Variants in PRKN observed in about 807,000 individuals in gnomAD.
PRKN encodes E3 ubiquitin-protein ligase parkin.
Under a neutral mutation model 59.5 loss-of-function variants are expected in PRKN, and 56 were observed. The ratio of observed to expected loss-of-function variants is 0.94; its 90% CI spans 0.76 to 1.18. The LOEUF is 1.18. Among genes scored for constraint, PRKN ranks in the 50% most tolerant of loss-of-function variants. The pLI, the probability that PRKN is intolerant of heterozygous loss-of-function variation, is 0.00. For missense variants in PRKN, 657 were observed against 596.4 expected, an observed-to-expected ratio of 1.10 and a Z score of -1.06; for synonymous variants, 250 against 222.1, an observed-to-expected ratio of 1.13 and a Z score of -1.12.
chr6:162,281,175 C>A (rs1294636760), intron 2 of PRKN, among the ~76,000 whole-genome samples: 1 of 151,904 alleles, frequency 6.6e-6, no homozygotes, highest in East Asian at 1.9e-4. Flanking sequence ...GACAGAAAAC[C>A]AAACCCCGCA....
chr6:162,111,037 C>T (rs188741692), intron 4 of PRKN, among the ~76,000 whole-genome samples: 5 of 152,092 alleles, frequency 3.3e-5, no homozygotes, highest in South Asian at 2.1e-4. Flanking sequence ...TCACCTCAAC[C>T]GGGAGAAGAA....
intron 9 of PRKN, among the ~76,000 whole-genome samples, chr6:161,406,623 T>C (rs1787290775): frequency 6.6e-6 from 1 of 152,140 alleles, no homozygotes; most frequent in Non-Finnish European, 1.5e-5. Flanking sequence ...GAAATATGTT[T>C]TGGGTTAATG....
At chr6:162,366,316 T>C (rs1390950754) in intron 2 of PRKN, among the ~76,000 whole-genome samples, 4 of 152,332 alleles carry the variant, frequency 2.6e-5, no homozygotes, top group South Asian at 4.1e-4. Context: ...TCTTCCATTA[T>C]TATACAAGAT....
At chr6:162,609,535 C>T (rs73595972) in intron 1 of PRKN, among the ~76,000 whole-genome samples, 3,976 of 152,242 alleles carry the variant, frequency 0.026, 177 homozygotes, top group African/African-American at 0.09. Context: ...TCAAATATCA[C>T]TAACACTGAT....
At chr6:162,575,256 C>T (rs1780512119) in intron 1 of PRKN, among the ~76,000 whole-genome samples, 1 of 152,158 alleles carries the variant, frequency 6.6e-6, no homozygotes, top group Non-Finnish European at 1.5e-5. Context: ...GAACTACCTA[C>T]TGTGTTCTTC....
chr6:162,388,854 G>A (rs1412502955), intron 2 of PRKN, among the ~76,000 whole-genome samples: 1 of 152,018 alleles, frequency 6.6e-6, no homozygotes, highest in Non-Finnish European at 1.5e-5. Context: ...TATAAAGTCG[G>A]GTATGGGGGT....
chr6:162,104,388 A>G (rs1446857956), intron 4 of PRKN, among the ~76,000 whole-genome samples: 1 of 152,180 alleles, frequency 6.6e-6, no homozygotes, highest in African/African-American at 2.4e-5. Flanking sequence ...TAATTAACAT[A>G]TTGTTTGGCC....
intron 3 of PRKN, among the ~76,000 whole-genome samples, chr6:162,211,390 G>T (rs1344064368): frequency 6.6e-6 from 1 of 152,194 alleles, no homozygotes; most frequent in African/African-American, 2.4e-5. Context: ...CATTTTCAAA[G>T]ATTAGCACAT....
chr6:162,358,289 CTTTA>C (rs1784962096), intron 2 of PRKN, among the ~76,000 whole-genome samples: 1 of 152,090 alleles, frequency 6.6e-6, no homozygotes. Flanking sequence ...TTTTCGAAAT[CTTTA>C]TTTTTCACTT....
At chr6:162,038,731 C>G (rs1405683612) in intron 5 of PRKN, among the ~76,000 whole-genome samples, 1 of 152,108 alleles carries the variant, frequency 6.6e-6, no homozygotes, top group Non-Finnish European at 1.5e-5. Context: ...ACTTAGAAAC[C>G]TAAGAGACCA....
At chr6:161,907,849 G>A (rs575815497) in intron 6 of PRKN, among the ~76,000 whole-genome samples, 15 of 152,220 alleles carry the variant, frequency 9.9e-5, no homozygotes, top group South Asian at 4.1e-4. Flanking sequence ...AGGCCAAGGC[G>A]GGTGGATCAC....
chr6:161,746,797 TGCAC>T (rs1788448005), intron 7 of PRKN, among the ~76,000 whole-genome samples: 1 of 148,530 alleles, frequency 6.7e-6, no homozygotes, highest in African/African-American at 2.5e-5. Flanking sequence ...AATCTAGATA[TGCAC>T]AGACATATAT....
chr6:161,920,714 C>G lies in PRKN; in HGVS notation c.734+52588G>C, dbSNP rs527919384. ...CTGAGGCAGGAGAATCGCTTGAACC[C>G]AGGAGGCGGAGGTTGCAGTGAGCCA... On this transcript the variant is annotated intron_variant, in intron 6 of 11. Coordinates refer to ENST00000366898, the MANE Select transcript of PRKN (RefSeq NM_004562.3). Among the ~76,000 whole-genome samples the G allele has an allele frequency of 6.0e-5, 9 of 149,710 alleles. No individual in the cohort carries two copies. In the South Asian group the frequency reaches 1.1e-3, roughly 18 times the overall value.
intron 2 of PRKN, among the ~76,000 whole-genome samples, chr6:162,303,128 T>TA (rs899797606): frequency 1.0e-4 from 12 of 119,430 alleles, no homozygotes; most frequent in African/African-American, 4.4e-4. Flanking sequence ...TGCTATGGTG[T>TA]AAAAAAAATC....
At chr6:162,021,785 C>T (rs1783214153) in intron 5 of PRKN, among the ~76,000 whole-genome samples, 1 of 152,062 alleles carries the variant, frequency 6.6e-6, no homozygotes, top group Admixed American at 6.6e-5. Flanking sequence ...ACCATTGAAT[C>T]CATCACCCAA....
At chr6:161,780,649 T>A (rs1277418598) in intron 7 of PRKN, among the ~76,000 whole-genome samples, 3 of 152,130 alleles carry the variant, frequency 2.0e-5, no homozygotes, top group African/African-American at 7.2e-5. Context: ...ATAGAAGTAA[T>A]AATCTAAACA....
intron 10 of PRKN, among the ~76,000 whole-genome samples, chr6:161,370,966 C>A (rs1214517000): frequency 6.6e-6 from 1 of 152,204 alleles, no homozygotes; most frequent in Non-Finnish European, 1.5e-5. Flanking sequence ...AGCAGGTGGG[C>A]CAGTTGAGCA....
intron 2 of PRKN, among the ~76,000 whole-genome samples, chr6:162,351,121 G>T (rs1784607136): frequency 1.3e-5 from 2 of 152,112 alleles, no homozygotes; most frequent in Admixed American, 1.3e-4. Flanking sequence ...GCCTAAGGAG[G>T]TTGAGTCTGC....
chr6:162,615,170 C>CA (rs1414600108), intron 1 of PRKN, among the ~76,000 whole-genome samples: 2 of 151,948 alleles, frequency 1.3e-5, no homozygotes, highest in South Asian at 4.2e-4. Flanking sequence ...CAGCCCATAT[C>CA]AAAAAAAATT....
Sources: gnomAD v4.1 joint callset for allele counts (sites outside exome capture counted in the v4.1 genomes callset) on GRCh38, gnomAD v4.1.1 for gene constraint, MANE v1.5 for transcripts, NCBI Gene and HGNC (gene_info 2026-07-23, HGNC 2026-07-21) for gene names.